The following SNTG2 variants were observed in gnomAD, a reference collection of about 807,000 sequenced individuals.
The protein encoded by SNTG2 is gamma-2-syntrophin.
A neutral mutation model predicts 70.9 loss-of-function variants in SNTG2; 74 were observed. That is an observed-to-expected ratio of 1.04 (90% CI 0.86 to 1.27). The LOEUF (loss-of-function observed/expected upper bound fraction) is 1.27, where lower values mean the gene tolerates loss of function less well. Ranked by LOEUF, SNTG2 falls within the 50% of genes most tolerant of loss-of-function variation. The pLI is 0.00. For synonymous variants in SNTG2, 278 were observed against 273.8 expected (o/e 1.02, Z -0.15); for missense variants, 717 against 690.7 (o/e 1.04, Z -0.43).
intron 16 of SNTG2, among the ~76,000 whole-genome samples, chr2:1,320,721 G>A (rs188090740): frequency 2.2e-4 from 34 of 151,980 alleles, no homozygotes; most frequent in African/African-American, 8.0e-4. Flanking sequence ...TGGAGAGGAA[G>A]CAAATGTTAT....
At chr2:1,207,463 C>T (rs927814023) in intron 8 of SNTG2, among the ~76,000 whole-genome samples, 1 of 152,186 alleles carries the variant, frequency 6.6e-6, no homozygotes, top group African/African-American at 2.4e-5. Context: ...GCGATGCCGC[C>T]TCTTCTGTAT....
At chr2:1,020,417 C>T (rs1205394500) in intron 1 of SNTG2, among the ~76,000 whole-genome samples, 3 of 152,202 alleles carry the variant, frequency 2.0e-5, no homozygotes, top group Non-Finnish European at 2.9e-5. Context: ...AGGCAGGCCA[C>T]GGTGGAGCCT....
chr2:979,585 C>T (rs57449782), intron 1 of SNTG2, among the ~76,000 whole-genome samples: 11,704 of 152,044 alleles, frequency 0.077, 671 homozygotes, highest in South Asian at 0.2. Flanking sequence ...AAACTCGCCC[C>T]GTGGCTTTGT....
chr2:1,187,085 G>A (rs1173907605), intron 8 of SNTG2, among the ~76,000 whole-genome samples: 3 of 152,184 alleles, frequency 2.0e-5, no homozygotes, highest in Admixed American at 6.5e-5. Flanking sequence ...TCTGAACCAT[G>A]TGCTACTTGA....
intron 14 of SNTG2, among the ~76,000 whole-genome samples, chr2:1,294,074 G>T (rs891665349): frequency 2.0e-5 from 3 of 152,142 alleles, no homozygotes; most frequent in Non-Finnish European, 4.4e-5. Flanking sequence ...ACTCTCTTTT[G>T]TCTCCACCAC....
intron 6 of SNTG2, among the ~76,000 whole-genome samples, chr2:1,154,083 A>G (rs886565450): frequency 1.7e-4 from 26 of 152,218 alleles, no homozygotes; most frequent in African/African-American, 6.0e-4. Context: ...ACCTTAGCAG[A>G]TGCAAAGTGT....
chr2:1,112,696 A>C (rs1324012217), intron 4 of SNTG2, among the ~76,000 whole-genome samples: 2 of 151,414 alleles, frequency 1.3e-5, no homozygotes, highest in African/African-American at 2.4e-5. Context: ...ATGTGTACTA[A>C]GTGAGGGTTA....
rs777920756 is a variant in SNTG2, at chr2:1,119,076, T to A, written c.326-18546T>A. On this transcript the variant is annotated intron_variant, in intron 4 of 16. Transcript: ENST00000308624. ...GAATCTCCATTAGTCTATCAGTGGA[T>A]TTCTCAGCAGAAAACTTGAAAGCCA... Among the ~76,000 whole-genome samples, 4 of 152,286 alleles carry A rather than the reference T, an allele frequency of 2.6e-5. No homozygotes were observed. The South Asian group carries it at 8.3e-4, about 32-fold the overall frequency.
intron 14 of SNTG2, among the ~76,000 whole-genome samples, chr2:1,290,619 G>A (rs1679952419): frequency 6.6e-6 from 1 of 152,092 alleles, no homozygotes; most frequent in Admixed American, 6.5e-5. Flanking sequence ...CAGCTGAGAA[G>A]TACTGCACAC....
chr2:1,079,699 T>C (rs1451799010), intron 1 of SNTG2, among the ~76,000 whole-genome samples: 1 of 152,206 alleles, frequency 6.6e-6, no homozygotes, highest in Non-Finnish European at 1.5e-5. Flanking sequence ...CCAAGTTCAG[T>C]GTTTTCCATT....
intron 7 of SNTG2, among the ~76,000 whole-genome samples, chr2:1,172,121 C>T (rs1330093552): frequency 6.6e-6 from 1 of 152,226 alleles, no homozygotes; most frequent in African/African-American, 2.4e-5. Context: ...CATTCTGCAA[C>T]AGCACCATGT....
chr2:1,026,664 A>C (rs1208411531), intron 1 of SNTG2, among the ~76,000 whole-genome samples: 1 of 152,144 alleles, frequency 6.6e-6, no homozygotes, highest in African/African-American at 2.4e-5. Flanking sequence ...AGCCTTGTGC[A>C]TGGAATGGAG....
At chr2:1,322,364 C>G (rs1171446545) in intron 16 of SNTG2, among the ~76,000 whole-genome samples, 1 of 152,062 alleles carries the variant, frequency 6.6e-6, no homozygotes, top group East Asian at 1.9e-4. Flanking sequence ...ATTTAGGGCC[C>G]TAGGAGGGAA....
chr2:1,197,912 T>C (rs754713715), intron 8 of SNTG2, among the ~76,000 whole-genome samples: 10 of 150,426 alleles, frequency 6.6e-5, no homozygotes, highest in Non-Finnish European at 1.2e-4. Context: ...TAATTGGGGA[T>C]TTCAACACTG....
intron 13 of SNTG2, among the ~76,000 whole-genome samples, chr2:1,264,132 G>A (rs950067626): frequency 1.2e-4 from 19 of 152,132 alleles, no homozygotes; most frequent in African/African-American, 4.3e-4. Context: ...TTAAGAAAAA[G>A]TTAGAGATGT....
chr2:1,134,959 G>GGCCAGGGGGCTAAGCCCCTC (rs1311651893), intron 4 of SNTG2, among the ~76,000 whole-genome samples: 1 of 152,170 alleles, frequency 6.6e-6, no homozygotes, highest in Non-Finnish European at 1.5e-5. Flanking sequence ...CGCAGCCGCT[G>GGCCAGGGGGCTAAGCCCCTC]GCCAGGGGGC....
At chr2:1,311,620 A>G (rs1488246106) in intron 15 of SNTG2, among the ~76,000 whole-genome samples, 1 of 152,236 alleles carries the variant, frequency 6.6e-6, no homozygotes, top group African/African-American at 2.4e-5. Flanking sequence ...AGGAACATCA[A>G]TATGATGAAT....
intron 6 of SNTG2, among the ~76,000 whole-genome samples, chr2:1,154,529 A>G (rs1203680436): frequency 2.6e-5 from 4 of 152,204 alleles, no homozygotes; most frequent in Non-Finnish European, 5.9e-5. Context: ...TGTAGGCCGG[A>G]TAAAATGAAC....
intron 1 of SNTG2, among the ~76,000 whole-genome samples, chr2:1,007,779 GTT>G (rs1366818071): frequency 2.0e-5 from 3 of 152,072 alleles, no homozygotes; most frequent in African/African-American, 7.2e-5. Flanking sequence ...TATGTTTTTG[GTT>G]TATTTTTTGA....
Sources: gnomAD v4.1 joint callset for allele counts (sites outside exome capture counted in the v4.1 genomes callset) on GRCh38, gnomAD v4.1.1 for gene constraint, MANE v1.5 for transcripts, NCBI Gene and HGNC (gene_info 2026-07-23, HGNC 2026-07-21) for gene names.